LRRC7: variants seen among roughly 807,000 people sequenced by gnomAD.
LRRC7 encodes leucine rich repeat containing 7.
Under a neutral mutation model 175.7 loss-of-function variants are expected in LRRC7, and 23 were observed. The observed-to-expected ratio is 0.13, with a 90% CI of 0.09 to 0.19. The LOEUF (loss-of-function observed/expected upper bound fraction) is 0.19. Ranked by LOEUF, LRRC7 falls within the 10% of genes least tolerant of loss-of-function variation. LRRC7 has a pLI of 1.00. For missense variants in LRRC7, 1,354 were observed against 1,904.7 expected, an observed-to-expected ratio of 0.71 and a Z score of 5.38; for synonymous variants, 685 against 680.9, an observed-to-expected ratio of 1.01 and a Z score of -0.09.
chr1:70,039,347 C>T lies in LRRC7; in HGVS notation c.3523C>T (p.Leu1175=). The stretch of plus-strand genomic sequence containing the variant: ...TAGAAGGGTCAATGAGCCTCATGAG[C>T]TGCCCCCAACTGATAGGTACGGCAG... The part of the protein sequence containing the change: ...MFRRVNEPHE[L]PPTDRYGRPP... Residue 1175 remains leucine, a synonymous_variant, in exon 21 of 27, where the codon CTG becomes TTG. Transcript: ENST00000651989. 1 of 1,614,024 alleles carries T rather than the reference C, an allele frequency of 6.2e-7. No individual in the cohort carries two copies. The highest frequency in any genetic ancestry group is 8.5e-7 in the Non-Finnish European group (1 of 1,180,018).
rs934323098 is a variant in LRRC7, at chr1:70,031,908, C to G, written c.1995+3537C>G. 2.0e-5 allele frequency among the ~76,000 whole-genome samples: 3 copies of G among 152,162 alleles called. No homozygotes were observed. In the East Asian group the frequency reaches 5.8e-4, roughly 29 times the overall value. On this transcript the variant is annotated intron_variant, in intron 18 of 26. Transcript: ENST00000651989. ...CCGACTCCCTGGTTCAAGCGATTCT[C>G]CTGCCTCAGCCTCCTGAGTAGCTGG...
At chr1:70,066,642 TG>T (rs1463020288) in intron 23 of LRRC7, among the ~76,000 whole-genome samples, 1 of 152,052 alleles carries the variant, frequency 6.6e-6, no homozygotes, top group Non-Finnish European at 1.5e-5. Context: ...GAAGGATATC[TG>T]GGTTATTTTC....
intron 1 of LRRC7, among the ~76,000 whole-genome samples, chr1:69,596,339 A>G (rs530407354): frequency 4.6e-5 from 7 of 152,344 alleles, no homozygotes; most frequent in African/African-American, 1.7e-4. Context: ...ATTTGGCTCC[A>G]GAGCCTTTAT....
intron 4 of LRRC7, among the ~76,000 whole-genome samples, chr1:69,795,759 T>C (rs994766999): frequency 3.3e-5 from 5 of 152,140 alleles, no homozygotes; most frequent in Non-Finnish European, 5.9e-5. Context: ...CCTACCTTTA[T>C]TTTTCATGTC....
At chr1:69,832,974 AG>A (rs1680694385) in intron 5 of LRRC7, among the ~76,000 whole-genome samples, 1 of 152,036 alleles carries the variant, frequency 6.6e-6, no homozygotes, top group Non-Finnish European at 1.5e-5. Flanking sequence ...GCGTGGTGGC[AG>A]GTGCCTGTGA....
At chr1:69,591,119 AT>A (rs928795182) in intron 1 of LRRC7, among the ~76,000 whole-genome samples, 2 of 152,110 alleles carry the variant, frequency 1.3e-5, no homozygotes, top group Non-Finnish European at 1.5e-5. Context: ...AACATTGATC[AT>A]TGATTTTGGA....
chr1:69,576,331 G>A lies in LRRC7; in HGVS notation c.2+7690G>A, dbSNP rs142036086. On this transcript the variant is annotated intron_variant, in intron 1 of 26. Transcript: ENST00000651989. ...TTATGACTTAGTTCTTCTGTTACAA[G>A]ACAAATTTGAAATAAACGTTTCATT... Among the ~76,000 whole-genome samples the A allele has an allele frequency of 1.1e-4, 17 of 151,932 alleles. No individual in the cohort carries two copies. In the East Asian group the frequency reaches 3.1e-3, roughly 28 times the overall value.
intron 1 of LRRC7, among the ~76,000 whole-genome samples, chr1:69,670,507 C>G (rs992404111): frequency 2.0e-5 from 3 of 152,148 alleles, no homozygotes; most frequent in Non-Finnish European, 4.4e-5. Context: ...TAACCACTCT[C>G]TGGCTACCAC....
At chr1:69,654,824 A>G (rs1036678635) in intron 1 of LRRC7, among the ~76,000 whole-genome samples, 6 of 152,180 alleles carry the variant, frequency 3.9e-5, no homozygotes, top group African/African-American at 1.4e-4. Context: ...CACCATTAAT[A>G]AATGATAAAT....
intron 5 of LRRC7, among the ~76,000 whole-genome samples, chr1:69,833,715 G>A (rs1680797118): frequency 6.6e-6 from 1 of 152,004 alleles, no homozygotes; most frequent in Non-Finnish European, 1.5e-5. Context: ...ACTGTTGCTA[G>A]GCAGCGTAGG....
At chr1:69,825,877 T>C in intron 5 of LRRC7, 51 bp downstream of exon 5, 1 of 1,179,864 alleles carries the variant, frequency 8.5e-7, no homozygotes, top group Non-Finnish European at 1.2e-6. Flanking sequence ...CATTGTATAA[T>C]AATGTACCTA....
rs969671937 is a variant in LRRC7 at position 70,128,962 on chromosome 1, G to A, written c.*7075G>A. The stretch of plus-strand genomic sequence containing the variant: ...ACACAGCTCACATAAAGAGTGTCAC[G>A]AAGCCGGGTGCGGTGACTTATGCCT... On this transcript the variant is annotated 3_prime_UTR_variant, in exon 27 of 27. Coordinates refer to ENST00000651989, the MANE Select transcript of LRRC7 (RefSeq NM_001370785.2). Among the ~76,000 whole-genome samples, 5 of 152,064 alleles carry A rather than the reference G, an allele frequency of 3.3e-5. No individual in the cohort carries two copies. The highest frequency in any genetic ancestry group is 1.9e-4 in the East Asian group (1 of 5,170).
chr1:69,615,176 C>T (rs1183970345), intron 1 of LRRC7, among the ~76,000 whole-genome samples: 7 of 152,042 alleles, frequency 4.6e-5, no homozygotes, highest in Non-Finnish European at 1.0e-4. Context: ...TAACCTCCCT[C>T]TCCCTTGCCA....
chr1:69,745,566 ATAAAT>A (rs1024486015), intron 2 of LRRC7, among the ~76,000 whole-genome samples: 21 of 152,014 alleles, frequency 1.4e-4, no homozygotes, highest in African/African-American at 5.1e-4. Context: ...GATTGGCCAA[ATAAAT>A]TAGTAGACAT....
At chr1:69,767,476 G>T (rs1671753308) in intron 3 of LRRC7, among the ~76,000 whole-genome samples, 1 of 151,824 alleles carries the variant, frequency 6.6e-6, no homozygotes, top group Non-Finnish European at 1.5e-5. Context: ...TTTTTTAAAA[G>T]ACAAGAGTCT....
chr1:69,683,672 A>G (rs1053718949), intron 2 of LRRC7, among the ~76,000 whole-genome samples: 1 of 152,210 alleles, frequency 6.6e-6, no homozygotes, highest in African/African-American at 2.4e-5. Context: ...GAAAAATTAA[A>G]AAGATTAAAT....
intron 7 of LRRC7, among the ~76,000 whole-genome samples, chr1:69,914,914 T>C (rs552634831): frequency 6.6e-6 from 1 of 152,278 alleles, no homozygotes; most frequent in South Asian, 2.1e-4. Flanking sequence ...GTTTGCTGAC[T>C]CCTGGCATAG....
intron 24 of LRRC7, among the ~76,000 whole-genome samples, chr1:70,089,427 T>C (rs1663857620): frequency 6.6e-6 from 1 of 152,044 alleles, no homozygotes; most frequent in Admixed American, 6.6e-5. Context: ...TTTAAGTGTT[T>C]ATAAGACTTT....
At chr1:69,919,471 G>T in intron 7 of LRRC7, 1 of 993,236 alleles carries the variant, frequency 1.0e-6, no homozygotes. Context: ...GCGGCCCAGC[G>T]GGAACAGCAG....
Sources: allele counts gnomAD v4.1 joint callset (sites outside exome capture counted in the v4.1 genomes callset), GRCh38; gene constraint gnomAD v4.1.1; transcripts MANE v1.5; gene names NCBI Gene and HGNC (gene_info 2026-07-23, HGNC 2026-07-21).